GRK7: variants seen among roughly 807,000 people sequenced by gnomAD.
GRK7 encodes rhodopsin kinase GRK7.
In GRK7, 24 loss-of-function variants were observed where a neutral mutation model predicts 34.1. The observed-to-expected ratio is 0.70, with a 90% CI of 0.51 to 0.99. The LOEUF (loss-of-function observed/expected upper bound fraction) is 0.99. Among genes scored for constraint, GRK7 ranks in the 50% least tolerant of loss-of-function variants. GRK7 has a pLI of 0.00. For missense variants in GRK7, 644 were observed against 707.3 expected, an observed-to-expected ratio of 0.91 and a Z score of 1.02; for synonymous variants, 256 against 279.4, an observed-to-expected ratio of 0.92 and a Z score of 0.84.
chr3:141,757,451 A>G, the GRK7 span, among the ~76,000 whole-genome samples: 2 of 114,156 alleles, frequency 1.8e-5, no homozygotes, highest in African/African-American at 6.8e-5. Context: ...ATGATTTCCA[A>G]TTTCATCCAT....
At chr3:141,768,978 C>T (rs1289955426) in intron 1 of GRK7, among the ~76,000 whole-genome samples, 3 of 152,136 alleles carry the variant, frequency 2.0e-5, no homozygotes, top group African/African-American at 4.8e-5. Flanking sequence ...AGTCCTTGTC[C>T]ATCTTCCAGT....
intron 4 of GRK7, among the ~76,000 whole-genome samples, chr3:141,796,537 C>T (rs971085567): frequency 2.0e-5 from 3 of 152,142 alleles, no homozygotes; most frequent in Admixed American, 6.5e-5. Flanking sequence ...TTGTTCTCTG[C>T]GAGGCACAGG....
intron 4 of GRK7, among the ~76,000 whole-genome samples, chr3:141,803,994 C>T (rs1481281729): frequency 1.3e-5 from 2 of 152,184 alleles, no homozygotes; most frequent in African/African-American, 4.8e-5. Flanking sequence ...CAGGCATGAG[C>T]CACCACTGCC....
intron 5 of GRK7, among the ~76,000 whole-genome samples, chr3:141,808,321 A>G (rs1039123575): frequency 6.6e-6 from 1 of 152,230 alleles, no homozygotes; most frequent in Non-Finnish European, 1.5e-5. Flanking sequence ...AACCATGTTG[A>G]GTAAATAAAT....
At chr3:141,804,700 T>TATACAC (rs1311573701) in intron 4 of GRK7, among the ~76,000 whole-genome samples, 5 of 149,830 alleles carry the variant, frequency 3.3e-5, no homozygotes, top group African/African-American at 1.2e-4. Context: ...CATGCTCTCA[T>TATACAC]ATACACATGC....
In GRK7 at chr3:141,779,599, C is replaced by T. The variant is rs1414225984; in HGVS notation, c.612+703C>T. Reference sequence around the variant, plus strand: ...TAAAATGTACAATGCAGTGGCACTTCGCACAAATGCAATGTTGGGTAAGCA... The same window carrying T: ...TAAAATGTACAATGCAGTGGCACTTTGCACAAATGCAATGTTGGGTAAGCA... On this transcript the variant is annotated intron_variant, in intron 3 of 5. Transcript: ENST00000682958. 4.6e-5 allele frequency among the ~76,000 whole-genome samples: 7 copies of T among 152,130 alleles called. No homozygotes were observed. In the South Asian group the frequency reaches 6.2e-4, roughly 14 times the overall value.
Position 141,778,922 on chromosome 3 carries a change from AGAAGGT to A in GRK7, c.612+31_612+36del. On this transcript the variant is annotated intron_variant, in intron 3 of 5. Coordinates refer to ENST00000682958, the MANE Select transcript of GRK7 (RefSeq NM_139209.3). The surrounding 1 kb of genome is among the most constrained non-coding windows in gnomAD (Gnocchi z 4.1). ...GTAAGTGTCTCCCAGTAGCCAGGCT[AGAAGGT>A]GAAGCATAGAGCATGAAAGGGGGTA... is the stretch of plus-strand genomic sequence containing the variant. 1.3e-6 allele frequency: 2 copies of A among 1,583,762 alleles called. No individual in the cohort carries two copies. Among genetic ancestry groups the A allele is most frequent in the Non-Finnish European group, 1.7e-6 (2 of 1,168,064 alleles).
chr3:141,781,267 G>T (rs1016790676), intron 4 of GRK7, among the ~76,000 whole-genome samples: 14 of 152,146 alleles, frequency 9.2e-5, no homozygotes, highest in Admixed American at 2.0e-4. Context: ...TGGGTGTGAT[G>T]GCTCACGCCT....
the GRK7 span, among the ~76,000 whole-genome samples, chr3:141,756,313 A>G: frequency 2.5e-5 from 2 of 81,030 alleles, no homozygotes; most frequent in East Asian, 6.1e-4. Flanking sequence ...CTCCATCTCA[A>G]AAAGAAAAAA....
intron 2 of GRK7, among the ~76,000 whole-genome samples, chr3:141,775,554 C>T (rs1441242216): frequency 6.6e-6 from 1 of 152,170 alleles, no homozygotes; most frequent in Admixed American, 6.5e-5. Context: ...CATGTGGCTA[C>T]TTATTTCAAA....
At chr3:141,769,862 C>T (rs1476109446) in intron 1 of GRK7, among the ~76,000 whole-genome samples, 1 of 152,206 alleles carries the variant, frequency 6.6e-6, no homozygotes, top group African/African-American at 2.4e-5. Context: ...TCTCCTGTGG[C>T]TGCCATAATG....
intron 4 of GRK7, among the ~76,000 whole-genome samples, chr3:141,784,385 T>C (rs984132294): frequency 6.6e-6 from 1 of 152,178 alleles, no homozygotes; most frequent in Non-Finnish European, 1.5e-5. Context: ...CCAAGAAGTT[T>C]TATGCCCCAG....
At position 141,764,755 on chromosome 3, in the gene GRK7, C is replaced by A. The variant is rs528409395; in HGVS notation, c.-1198C>A. 6.6e-6 allele frequency among the ~76,000 whole-genome samples: 1 copy of A among 152,270 alleles called. No homozygotes were observed. The highest frequency in any genetic ancestry group is 2.4e-5 in the African/African-American group (1 of 41,550). On this transcript the variant is annotated 5_prime_UTR_variant, in exon 1 of 6. Transcript: ENST00000682958. ...CTACTCAAGACCTCAGTTTGGCTGT[C>A]TCCCTGGCAGGTCAAATTTAACAGG...
chr3:141,793,541 G>A (rs1389951889), intron 4 of GRK7, among the ~76,000 whole-genome samples: 2 of 152,184 alleles, frequency 1.3e-5, no homozygotes, highest in Admixed American at 1.3e-4. Context: ...GCAGGCGGTG[G>A]GGACTAAGAC....
At chr3:141,804,879 A>G (rs894798373) in intron 4 of GRK7, among the ~76,000 whole-genome samples, 1 of 151,800 alleles carries the variant, frequency 6.6e-6, no homozygotes, top group Non-Finnish European at 1.5e-5. Context: ...ATGCTCACAT[A>G]CACTCACATG....
chr3:141,769,798 C>G (rs996617340), intron 1 of GRK7, among the ~76,000 whole-genome samples: 1 of 152,214 alleles, frequency 6.6e-6, no homozygotes, highest in African/African-American at 2.4e-5. Flanking sequence ...TTTCAGCTCC[C>G]ACGTGACAGC....
the GRK7 span, among the ~76,000 whole-genome samples, chr3:141,753,180 T>A: frequency 6.6e-6 from 1 of 152,244 alleles, no homozygotes; most frequent in Non-Finnish European, 1.5e-5. Flanking sequence ...GTAAAATACC[T>A]TCTCTGAACC....
chr3:141,819,005 T>G lies in GRK7; in HGVS notation c.*1955T>G, dbSNP rs1711182924. Reference sequence around the variant, plus strand: ...AATCCTAACCTAGGATGCTTAGATTTCTGTGTCACCAAAGCAGGATAGAAG... The same window carrying G: ...AATCCTAACCTAGGATGCTTAGATTGCTGTGTCACCAAAGCAGGATAGAAG... On this transcript the variant is annotated 3_prime_UTR_variant, in exon 6 of 6. Coordinates refer to ENST00000682958, the MANE Select transcript of GRK7 (RefSeq NM_139209.3). 6.6e-6 allele frequency among the ~76,000 whole-genome samples: 1 copy of G among 152,182 alleles called. No homozygotes were observed. Among genetic ancestry groups the G allele is most frequent in the African/African-American group, 2.4e-5 (1 of 41,448 alleles).
the GRK7 span, among the ~76,000 whole-genome samples, chr3:141,754,422 T>C: frequency 6.7e-6 from 1 of 148,316 alleles, no homozygotes; most frequent in South Asian, 2.1e-4. Flanking sequence ...AGGGCTCCCC[T>C]CACCACTGTC....
Sources: allele counts gnomAD v4.1 joint callset (sites outside exome capture counted in the v4.1 genomes callset), GRCh38; gene constraint gnomAD v4.1.1; non-coding constraint Gnocchi (gnomAD v3.1); transcripts MANE v1.5; gene names NCBI Gene and HGNC (gene_info 2026-07-23, HGNC 2026-07-21).